The following NPIPA5 variants were observed in gnomAD, a reference collection of about 807,000 sequenced individuals.
NPIPA5 encodes nuclear pore complex interacting protein family member A5, also known as nuclear pore complex-interacting protein family member A5.
A neutral mutation model predicts 21.4 loss-of-function variants in NPIPA5; 6 were observed. The ratio of observed to expected loss-of-function variants is 0.28; its 90% CI spans 0.15 to 0.55. The LOEUF is 0.55. Among genes scored for constraint, NPIPA5 ranks in the 20% least tolerant of loss-of-function variants. NPIPA5 has a pLI of 0.93. For synonymous variants in NPIPA5, 33 were observed against 115.3 expected, an observed-to-expected ratio of 0.29 and a Z score of 4.57; for missense variants, 99 against 318.2, an observed-to-expected ratio of 0.31 and a Z score of 5.24.
At chr16:15,372,240 C>T (rs1409341191) in intron 2 of NPIPA5, among the ~76,000 whole-genome samples, 1 of 147,332 alleles carries the variant, frequency 6.8e-6, no homozygotes, top group African/African-American at 2.5e-5. Context: ...AATCCCAGCA[C>T]TTTGGGAGGC....
At chr16:15,376,987 CA>C (rs1164476042) in intron 1 of NPIPA5, among the ~76,000 whole-genome samples, 1 of 151,802 alleles carries the variant, frequency 6.6e-6, no homozygotes, top group East Asian at 1.9e-4. Flanking sequence ...AACAAACAAA[CA>C]AAAAAGTCAT....
At chr16:15,375,386 A>AG (rs1370109610) in intron 1 of NPIPA5, among the ~76,000 whole-genome samples, 1 of 129,920 alleles carries the variant, frequency 7.7e-6, no homozygotes, top group Admixed American at 8.4e-5. Flanking sequence ...CATAAGTAAA[A>AG]AAAAAAAATA....
At chr16:15,366,880 C>G (rs2049989856) in intron 4 of NPIPA5, 120 bp from the exon 5 acceptor site, 3 of 1,513,366 alleles carry the variant, frequency 2.0e-6, no homozygotes. Flanking sequence ...ACAAATGAAC[C>G]AACTGATTCT....
chr16:15,380,452 A>T (rs980659567), upstream of NPIPA5, among the ~76,000 whole-genome samples: 1 of 151,748 alleles, frequency 6.6e-6, no homozygotes, highest in African/African-American at 2.4e-5. Context: ...CCTCCTGAGT[A>T]GCTGGAACTA....
intron 1 of NPIPA5, among the ~76,000 whole-genome samples, chr16:15,374,424 C>A (rs1389704595): frequency 6.6e-6 from 1 of 151,786 alleles, no homozygotes; most frequent in East Asian, 1.9e-4. Context: ...GCCTTGAACT[C>A]CTGACAGGCG....
rs987414263 is a variant in NPIPA5 at position 15,363,681 on chromosome 16, C to T, written c.1031G>A (p.Arg344Gln). The change falls in exon 8 of 8, where the codon CGG (arginine) becomes CAG (glutamine). Residue 344 changes from arginine to glutamine, a missense_variant. Arg to Gln is a conservative substitution (Grantham distance 43, BLOSUM62 1). Coordinates refer to ENST00000360151, the MANE Select transcript of NPIPA5 (RefSeq NM_001277325.2). ...CVCSLPFHPQRMIISRN is the reference protein window; with the variant it reads ...CVCSLPFHPQQMIISRN ...TCATTAGTTTCTTGAGATTATCATCCGCTGAGGGTGGAAGGGGAGTGAGCA... is the reference window on the plus strand; with the variant it reads ...TCATTAGTTTCTTGAGATTATCATCTGCTGAGGGTGGAAGGGGAGTGAGCA... The T allele has an allele frequency of 6.4e-5, 96 of 1,505,606 alleles. 8 individuals are homozygous for T. In the Admixed American group the frequency reaches 1.1e-3, roughly 18 times the overall value. The allele number at this position is 1,505,606 out of a possible 1,614,324, so 93.3% of individuals were successfully genotyped here.
chr16:15,363,806 A>G lies in NPIPA5; in HGVS notation c.906T>C (p.Asp302=), dbSNP rs1291137028. 7 of 1,356,212 alleles carry G rather than the reference A, an allele frequency of 5.2e-6. No individual in the cohort carries two copies. Among genetic ancestry groups the G allele is most frequent in the Non-Finnish European group, 6.8e-6 (7 of 1,024,084 alleles). The allele number at this position is 1,356,212 out of a possible 1,614,324, so 84.0% of individuals were successfully genotyped here. Reference sequence around the variant, plus strand: ...ACTCGGCAGGTGTCTTGAGATTATCATCCGCTGAGGGTAGAGCTGAGGGTG... The same window carrying G: ...ACTCGGCAGGTGTCTTGAGATTATCGTCCGCTGAGGGTAGAGCTGAGGGTG... The part of the protein sequence containing the change: ...PLPPSALPSA[D]DNLKTPAECL... Residue 302 remains aspartate (D), a synonymous_variant, in exon 8 of 8, where the codon GAT becomes GAC. Coordinates refer to ENST00000360151, the MANE Select transcript of NPIPA5 (RefSeq NM_001277325.2).
In NPIPA5 at chr16:15,363,936, T is replaced by C. The variant is rs2049925966; in HGVS notation, c.776A>G (p.Asn259Ser). The change falls in exon 8 of 8, where the codon AAC becomes AGC. Residue 259 changes from asparagine (N) to serine (S), a missense_variant. By Grantham distance (46) the Asn-to-Ser change is conservative (BLOSUM62 1). Coordinates refer to ENST00000360151, the MANE Select transcript of NPIPA5 (RefSeq NM_001277325.2). The part of the protein sequence containing the change: ...PPTQQHSIID[N>S]SLSLKTPSER... ...GGAAGGTGTCTTGAGGCTCAGGGAG[T>C]TATCAATTATAGAATGTTGTTGAGT... 1.9e-6 allele frequency: 3 copies of C among 1,597,882 alleles called. No individual in the cohort carries two copies. In the East Asian group the frequency reaches 6.8e-5, roughly 36 times the overall value.
chr16:15,377,782 TG>T (rs1298212057), intron 1 of NPIPA5, among the ~76,000 whole-genome samples: 3 of 148,512 alleles, frequency 2.0e-5, no homozygotes, highest in Non-Finnish European at 4.5e-5. Context: ...CAAGCGCTGG[TG>T]GAAGGTTTAG....
intron 1 of NPIPA5, among the ~76,000 whole-genome samples, chr16:15,376,983 C>G: frequency 6.6e-6 from 1 of 151,808 alleles, no homozygotes; most frequent in East Asian, 1.9e-4. Flanking sequence ...AAAAAACAAA[C>G]AAACAAAAAA....
chr16:15,377,063 C>G (rs2050317381), intron 1 of NPIPA5, among the ~76,000 whole-genome samples: 1 of 152,068 alleles, frequency 6.6e-6, no homozygotes. Context: ...TTGTTGGAGA[C>G]AAGAGTGCAG....
chr16:15,380,383 C>T (rs1322152190), upstream of NPIPA5, among the ~76,000 whole-genome samples: 2 of 150,890 alleles, frequency 1.3e-5, no homozygotes, highest in African/African-American at 4.9e-5. Flanking sequence ...AGTGCAATGG[C>T]GTGATCTCGG....
At chr16:15,368,553 G>A (rs2050047202) in intron 4 of NPIPA5, among the ~76,000 whole-genome samples, 1 of 151,254 alleles carries the variant, frequency 6.6e-6, no homozygotes, top group African/African-American at 2.4e-5. Context: ...GAATCTGGAG[G>A]TGACCCAAGC....
intron 1 of NPIPA5, among the ~76,000 whole-genome samples, chr16:15,376,845 G>T (rs1213003910): frequency 6.6e-6 from 1 of 152,152 alleles, no homozygotes; most frequent in African/African-American, 2.4e-5. Context: ...AAATTAGCCA[G>T]GCATTGTAAT....
chr16:15,375,269 T>A (rs1598403759), intron 1 of NPIPA5, among the ~76,000 whole-genome samples: 1 of 150,630 alleles, frequency 6.6e-6, no homozygotes, highest in South Asian at 2.1e-4. Flanking sequence ...GTTTTTTAAA[T>A]TGATGTATAA....
chr16:15,369,675 GT>G (rs1371032490), intron 4 of NPIPA5, 36 bp downstream of exon 4: 2 of 576,456 alleles, frequency 3.5e-6, no homozygotes, highest in African/African-American at 4.1e-5. Context: ...TTGGCACATG[GT>G]TCATACAACA....
In NPIPA5 at chr16:15,375,835, A is replaced by G. The variant is rs547423636; in HGVS notation, c.64-1992T>C. Among the ~76,000 whole-genome samples the G allele has an allele frequency of 1.6e-3, 247 of 152,086 alleles. 1 individual carries two copies. Among genetic ancestry groups the G allele is most frequent in the Middle Eastern group, 3.4e-3 (1 of 294 alleles). Reference sequence around the variant, plus strand: ...TAAGATTGTTGATATTAATTCCATTAGACTCTTATGTGAGTGAAGACAAAG... The same window carrying G: ...TAAGATTGTTGATATTAATTCCATTGGACTCTTATGTGAGTGAAGACAAAG... On this transcript the variant is annotated intron_variant, in intron 1 of 7. Coordinates refer to ENST00000360151, the MANE Select transcript of NPIPA5 (RefSeq NM_001277325.2).
intron 1 of NPIPA5, among the ~76,000 whole-genome samples, chr16:15,376,758 T>G: frequency 6.6e-6 from 1 of 151,562 alleles, no homozygotes; most frequent in African/African-American, 2.4e-5. Flanking sequence ...CTACTAAAAA[T>G]ACAAAAATTA....
At chr16:15,370,243 A>C (rs1445524911) in intron 2 of NPIPA5, 124 bp from the exon 3 acceptor site, 1 of 599,762 alleles carries the variant, frequency 1.7e-6, no homozygotes, top group East Asian at 3.0e-5. Flanking sequence ...CCTGGCCAAG[A>C]TGGTGAAACC....
Sources: gnomAD v4.1 joint callset for allele counts (sites outside exome capture counted in the v4.1 genomes callset) on GRCh38, gnomAD v4.1.1 for gene constraint, MANE v1.5 for transcripts, NCBI Gene and HGNC (gene_info 2026-07-23, HGNC 2026-07-21) for gene names.